Variants in NFIA observed in about 807,000 individuals in gnomAD.
NFIA encodes the protein nuclear factor 1 A-type.
In NFIA, 8 loss-of-function variants were observed where a neutral mutation model predicts 62.8. The ratio of observed to expected loss-of-function variants is 0.13; its 90% CI spans 0.07 to 0.23. The LOEUF is 0.23. Among genes scored for constraint, NFIA ranks in the 10% least tolerant of loss-of-function variants. NFIA has a pLI of 1.00. For synonymous variants in NFIA, 235 were observed against 238.1 expected (o/e 0.99, Z 0.12); for missense variants, 410 against 642.1 (o/e 0.64, Z 3.91).
intron 2 of NFIA, chr1:61,133,089 C>G (rs1647110371): frequency 6.6e-6 from 1 of 152,194 alleles, no homozygotes; most frequent in Non-Finnish European, 1.5e-5. Context: ...TAAAAAAGCC[C>G]TCTCCATAAT....
intron 2 of NFIA, among the ~76,000 whole-genome samples, chr1:61,191,653 G>A (rs1223121075): frequency 6.6e-6 from 1 of 152,102 alleles, no homozygotes; most frequent in Non-Finnish European, 1.5e-5. Context: ...TCTGGGTTCC[G>A]ATCCCTTCTC....
chr1:61,447,055 A>C (rs1667842225), intron 10 of NFIA, among the ~76,000 whole-genome samples: 1 of 151,854 alleles, frequency 6.6e-6, no homozygotes, highest in Admixed American at 6.6e-5. Context: ...GAAAACATAC[A>C]TTTTTTCATT....
intron 2 of NFIA, among the ~76,000 whole-genome samples, chr1:61,145,082 A>C (rs1458268881): frequency 6.6e-6 from 1 of 152,094 alleles, no homozygotes; most frequent in East Asian, 1.9e-4. Context: ...GGGGCTTCCA[A>C]ATCTGCTTGT....
chr1:61,226,168 T>C (rs1370720807), intron 2 of NFIA, among the ~76,000 whole-genome samples: 2 of 152,208 alleles, frequency 1.3e-5, no homozygotes, highest in South Asian at 2.1e-4. Flanking sequence ...ACAAGATTAG[T>C]GATCAGCTGG....
intron 2 of NFIA, among the ~76,000 whole-genome samples, chr1:61,093,064 AATTT>A (rs1363214100): frequency 6.6e-6 from 1 of 152,216 alleles, no homozygotes; most frequent in Non-Finnish European, 1.5e-5. Context: ...TACAGTTTAT[AATTT>A]TATGCCAAAT....
At chr1:61,309,990 T>G (rs1213662116) in intron 3 of NFIA, among the ~76,000 whole-genome samples, 1 of 152,258 alleles carries the variant, frequency 6.6e-6, no homozygotes, top group South Asian at 2.1e-4. Context: ...TTTTAACTTT[T>G]TAATAAAATG....
rs963529021 is a variant in NFIA at position 61,203,810 on chromosome 1, G to GA, written c.560-73702dup. Among the ~76,000 whole-genome samples, 236 of 151,834 alleles carry GA rather than the reference G, an allele frequency of 1.6e-3. 3 individuals are homozygous for GA. Among genetic ancestry groups the GA allele is most frequent in the African/African-American group, 4.3e-3 (178 of 41,424 alleles). ...TAACTTTTGTTTGGACTGAATTAAA[G>GA]AAAAAAAAGAAATCGACTTTAGTAG... On this transcript the variant is annotated intron_variant, in intron 2 of 10. Transcript: ENST00000403491.
chr1:61,222,515 G>C lies in NFIA; in HGVS notation c.560-55005G>C, dbSNP rs191086024. 5.3e-5 allele frequency among the ~76,000 whole-genome samples: 8 copies of C among 152,158 alleles called. No homozygotes were observed. In the East Asian group the frequency reaches 1.3e-3, roughly 26 times the overall value. ...GGAGTTTAAAGGTTGAGTCCTTATA[G>C]TCTTTCTTTAACTTAGGAAAAGAAG... is the stretch of plus-strand genomic sequence containing the variant. On this transcript the variant is annotated intron_variant, in intron 2 of 10. Coordinates refer to ENST00000403491, the MANE Select transcript of NFIA (RefSeq NM_001134673.4).
chr1:61,130,685 G>A (rs900941808), intron 2 of NFIA, among the ~76,000 whole-genome samples: 2 of 152,250 alleles, frequency 1.3e-5, no homozygotes, highest in East Asian at 3.9e-4. Context: ...GTGGGGGGGC[G>A]TACGTTTCTG....
intron 2 of NFIA, among the ~76,000 whole-genome samples, chr1:61,090,389 A>G (rs1182122035): frequency 6.6e-6 from 1 of 152,226 alleles, no homozygotes; most frequent in African/African-American, 2.4e-5. Flanking sequence ...GTGTGCTTCC[A>G]TATAAGATAA....
intron 2 of NFIA, among the ~76,000 whole-genome samples, chr1:61,141,840 T>C (rs1273588300): frequency 6.6e-6 from 1 of 152,232 alleles, no homozygotes; most frequent in East Asian, 1.9e-4. Context: ...CATATGCAAC[T>C]GTCTTTCCTG....
At chr1:61,309,881 G>A (rs989667935) in intron 3 of NFIA, among the ~76,000 whole-genome samples, 1 of 152,072 alleles carries the variant, frequency 6.6e-6, no homozygotes, top group African/African-American at 2.4e-5. Flanking sequence ...AGAGTGAAAC[G>A]CCGTCTCCAG....
At chr1:61,360,263 C>T (rs935784341) in intron 6 of NFIA, among the ~76,000 whole-genome samples, 1 of 152,110 alleles carries the variant, frequency 6.6e-6, no homozygotes, top group Non-Finnish European at 1.5e-5. Flanking sequence ...ATGTCTAACA[C>T]GTGGTTTAGA....
At chr1:61,078,006 G>A (rs1439879961), upstream of NFIA, among the ~76,000 whole-genome samples, 2 of 151,968 alleles carry the variant, frequency 1.3e-5, no homozygotes. Flanking sequence ...AACCTAACCC[G>A]AAAAGAAATG....
At chr1:61,246,176 A>G (rs1655635228) in intron 2 of NFIA, among the ~76,000 whole-genome samples, 1 of 152,208 alleles carries the variant, frequency 6.6e-6, no homozygotes, top group Non-Finnish European at 1.5e-5. Context: ...AAATATAGTT[A>G]TCCTGTTGTG....
At chr1:61,317,843 G>T (rs1660451971) in intron 3 of NFIA, among the ~76,000 whole-genome samples, 4 of 151,970 alleles carry the variant, frequency 2.6e-5, no homozygotes. Context: ...CACATTCTGT[G>T]TTCTAGGTTC....
chr1:61,178,439 C>T (rs1167006874), intron 2 of NFIA, among the ~76,000 whole-genome samples: 1 of 152,078 alleles, frequency 6.6e-6, no homozygotes, highest in Non-Finnish European at 1.5e-5. Flanking sequence ...TTCCAAATGC[C>T]TTAAAAAACA....
chr1:61,271,714 C>T (rs1249949477), intron 2 of NFIA, among the ~76,000 whole-genome samples: 1 of 152,188 alleles, frequency 6.6e-6, no homozygotes, highest in Non-Finnish European at 1.5e-5. Flanking sequence ...AGTTCCCCTG[C>T]ACCCCGCCAC....
chr1:61,131,444 G>T (rs2100490352), intron 2 of NFIA, among the ~76,000 whole-genome samples: 1 of 152,248 alleles, frequency 6.6e-6, no homozygotes, highest in East Asian at 1.9e-4. Context: ...GCTGATGTGT[G>T]CATTTAACTG....
Sources: gnomAD v4.1 joint callset for allele counts (sites outside exome capture counted in the v4.1 genomes callset) on GRCh38, gnomAD v4.1.1 for gene constraint, MANE v1.5 for transcripts, NCBI Gene and HGNC (gene_info 2026-07-23, HGNC 2026-07-21) for gene names.